Variants in ZNF34 observed in about 807,000 individuals in gnomAD.
The protein encoded by ZNF34 is zinc finger protein 34 (KOX 32).
ZNF34 carries 8 observed loss-of-function variants against 14.4 expected under a neutral mutation model. The observed-to-expected ratio is 0.55, with a 90% confidence interval of 0.33 to 1.00. The LOEUF (loss-of-function observed/expected upper bound fraction) is 1.00, where lower values mean the gene tolerates loss of function less well. ZNF34 is among the 50% of genes least tolerant of loss of function. ZNF34 has a pLI of 0.03. For synonymous variants in ZNF34, 235 were observed against 247.9 expected, an observed-to-expected ratio of 0.95 and a Z score of 0.49; for missense variants, 538 against 674.2, an observed-to-expected ratio of 0.80 and a Z score of 2.24.
Position 144,779,072 on chromosome 8 carries a change from C to T in ZNF34, c.-54-547G>A, listed in dbSNP as rs1384400484. Among the ~76,000 whole-genome samples the T allele has an allele frequency of 6.6e-6, 1 of 152,050 alleles. No individual in the cohort carries two copies. The highest frequency in any genetic ancestry group is 1.5e-5 in the Non-Finnish European group (1 of 68,028). On this transcript the variant is annotated intron_variant, in intron 2 of 5. Transcript: ENST00000429371. This position sits in a 1 kb window ranked among gnomAD's most constrained non-coding sequence, Gnocchi z 4.1. ...AGCCAAGGCATAAAAACCCTCATGG[C>T]TTGGATGGAATCCAGGGCTCAGGGC...
intron 2 of ZNF34, among the ~76,000 whole-genome samples, 165 bp from the exon 3 acceptor site, chr8:144,778,690 T>A (rs1168206891): frequency 2.0e-5 from 3 of 149,622 alleles, no homozygotes; most frequent in Admixed American, 1.3e-4. Flanking sequence ...ACTCCACTCT[T>A]TGCCTGGGGC....
chr8:144,776,849 C>T (rs1422802972), intron 5 of ZNF34, among the ~76,000 whole-genome samples: 1 of 141,794 alleles, frequency 7.1e-6, no homozygotes, highest in Non-Finnish European at 1.5e-5. Flanking sequence ...AAGGTCAAGG[C>T]TGCAGTGAGC....
chr8:144,780,330 A>C, intron 1 of ZNF34, 50 bp from the exon 2 acceptor site: 1 of 1,341,068 alleles, frequency 7.5e-7, no homozygotes, highest in South Asian at 1.3e-5. Flanking sequence ...TATTAGATCA[A>C]ACACTAGTTA....
rs758669919 is a variant in ZNF34 at position 144,778,467 on chromosome 8, G to A, written c.5C>T (p.Ala2Val). 26 of 1,590,890 alleles carry A rather than the reference G, an allele frequency of 1.6e-5. No homozygotes were observed. Among genetic ancestry groups the A allele is most frequent in the Non-Finnish European group, 1.5e-5 (18 of 1,168,930 alleles). The change falls in exon 3 of 6, where the codon GCG becomes GTG. Residue 2 changes from alanine to valine, a missense_variant. By Grantham distance (64) the Ala-to-Val change is moderately conservative. This residue lies in a region of ZNF34 where 431 missense variants were observed against 525.7 expected (regional missense o/e 0.82). Transcript: ENST00000429371. M[A>V]ALFLSAPPQA... is the part of the protein sequence containing the mutation. ...GGGTGGGGCAGACAGGAACAAGGCC[G>A]CCATTGCCTGAGGGTTGGGCTTTCT... is the stretch of plus-strand genomic sequence containing the variant.
rs1825624793 is a variant in ZNF34 at position 144,777,902 on chromosome 8, T to G, written c.160+136A>C. On this transcript the variant is annotated intron_variant, in intron 4 of 5. Coordinates refer to ENST00000429371, the MANE Select transcript of ZNF34 (RefSeq NM_001286769.2). The surrounding 1 kb of genome is among the most constrained non-coding windows in gnomAD (Gnocchi z 4.8). Reference sequence around the variant, plus strand: ...TCCCAGCACTGCTCTTCCCCTCATCTTCTCAGATCAGGTGCCTGCCTGGGA... The same window carrying G: ...TCCCAGCACTGCTCTTCCCCTCATCGTCTCAGATCAGGTGCCTGCCTGGGA... The G allele has an allele frequency of 1.5e-6, 2 of 1,336,476 alleles. No individual in the cohort carries two copies. Among genetic ancestry groups the G allele is most frequent in the African/African-American group, 2.9e-5 (2 of 68,574 alleles). 82.8% of individuals were successfully genotyped at this position (1,336,476 alleles called of 1,614,324 possible).
At chr8:144,778,817 C>T (rs1825694784) in intron 2 of ZNF34, among the ~76,000 whole-genome samples, 1 of 152,004 alleles carries the variant, frequency 6.6e-6, no homozygotes, top group Admixed American at 6.6e-5. Context: ...ACTGCAGCCT[C>T]GACCTCCTGA....
chr8:144,774,642 T>G, intron 5 of ZNF34, 37 bp from the exon 6 acceptor site: 1 of 1,569,294 alleles, frequency 6.4e-7, no homozygotes, highest in Non-Finnish European at 8.6e-7. Context: ...GGTCACCTGC[T>G]CTGACTCTGG....
At chr8:144,778,243 T>C in intron 3 of ZNF34, 79 bp from the exon 4 acceptor site, 1 of 1,547,058 alleles carries the variant, frequency 6.5e-7, no homozygotes, top group South Asian at 1.2e-5. Flanking sequence ...AGAAGCATGC[T>C]AAAGGCAGCA....
Position 144,777,918 on chromosome 8 carries a change from C to T in ZNF34, c.160+120G>A. On this transcript the variant is annotated intron_variant, in intron 4 of 5. Coordinates refer to ENST00000429371, the MANE Select transcript of ZNF34 (RefSeq NM_001286769.2). The surrounding 1 kb of genome is among the most constrained non-coding windows in gnomAD (Gnocchi z 4.8). The stretch of plus-strand genomic sequence containing the variant: ...CCCCTCATCTTCTCAGATCAGGTGC[C>T]TGCCTGGGATAAAGGTCATCACCTA... The T allele has an allele frequency of 7.0e-7, 1 of 1,434,290 alleles. No homozygotes were observed. The highest frequency in any genetic ancestry group is 1.3e-5 in the South Asian group (1 of 78,896). 88.8% of individuals were successfully genotyped at this position (1,434,290 alleles called of 1,614,324 possible). A position where few individuals can be genotyped will look rare whatever the true frequency, so the allele number is the denominator to read the frequency against.
intron 1 of ZNF34, among the ~76,000 whole-genome samples, chr8:144,780,753 C>T (rs918660189): frequency 6.6e-6 from 1 of 151,992 alleles, no homozygotes; most frequent in Non-Finnish European, 1.5e-5. Context: ...CGCGCCATCG[C>T]ACTCCAGCCT....
rs186816722 is a variant in ZNF34 at position 144,783,887 on chromosome 8, A to G, written c.-108+3392T>C. On this transcript the variant is annotated intron_variant, in intron 1 of 5. Coordinates refer to ENST00000429371, the MANE Select transcript of ZNF34 (RefSeq NM_001286769.2). ...TAAGATTAGCCAAGGCAGTGTGGCC[A>G]GGCGCAGTGGCTCACGCCTATAATC... Among the ~76,000 whole-genome samples, 591 of 152,352 alleles carry G rather than the reference A, an allele frequency of 3.9e-3. 3 individuals carry two copies. Among genetic ancestry groups the G allele is most frequent in the African/African-American group, 0.013 (552 of 41,580 alleles).
Position 144,778,115 on chromosome 8 carries a change from CATTCCTCCCGG to C in ZNF34, c.72_82del (p.Arg25GlyfsTer45). 1.2e-6 allele frequency: 2 copies of C among 1,614,010 alleles called. No homozygotes were observed. The highest frequency in any genetic ancestry group is 3.3e-5 in the Admixed American group (2 of 59,992). On this transcript the variant is annotated frameshift_variant, in exon 4 of 6. Transcript: ENST00000429371. LOFTEE classifies it high-confidence loss of function. ...CCTCTGAGCAGGGCCCAGGCGGCCCCATTCCTCCCGGGAGAGGTACACAGCCACGTCCTCGA... is the reference window on the plus strand; with the variant it reads ...CCTCTGAGCAGGGCCCAGGCGGCCCCGAGAGGTACACAGCCACGTCCTCGA...
At position 144,773,075 on chromosome 8, in the gene ZNF34, CT is replaced by C; in HGVS notation, c.*190del. On this transcript the variant is annotated 3_prime_UTR_variant, in exon 6 of 6. Coordinates refer to ENST00000429371, the MANE Select transcript of ZNF34 (RefSeq NM_001286769.2). The surrounding 1 kb of genome is among the most constrained non-coding windows in gnomAD (Gnocchi z 5.4). ...ATCACAGAAGCTTCTTTTTTGCCCA[CT>C]TTTCTGTCTCAATTTCTCTAAAATG... 1 of 612,800 alleles carries C rather than the reference CT, an allele frequency of 1.6e-6. No individual in the cohort carries two copies. Among genetic ancestry groups the C allele is most frequent in the African/African-American group, 1.9e-5 (1 of 53,872 alleles). The allele number at this position is 612,800 out of a possible 1,614,324, so 38.0% of individuals were successfully genotyped here.
rs751927309 is a variant in ZNF34, at chr8:144,774,284, G to GT, written c.601dup (p.Thr201AsnfsTer6). 1.4e-5 allele frequency: 22 copies of GT among 1,612,936 alleles called. No homozygotes were observed. Among genetic ancestry groups the GT allele is most frequent in the Middle Eastern group, 1.6e-4 (1 of 6,082 alleles). ...TTCCCCAGAGTTACGAACTGTATTT[G>GT]TTTTTTTTGACCTGTGTACACGCTT... On this transcript the variant is annotated frameshift_variant, in exon 6 of 6. Coordinates refer to ENST00000429371, the MANE Select transcript of ZNF34 (RefSeq NM_001286769.2). LOFTEE classifies it low-confidence loss of function (END_TRUNC).
intron 1 of ZNF34, among the ~76,000 whole-genome samples, chr8:144,781,966 A>C (rs1169615064): frequency 1.3e-5 from 2 of 151,934 alleles, no homozygotes; most frequent in Non-Finnish European, 2.9e-5. Flanking sequence ...CGGGTGGATC[A>C]CTTGAGGTCA....
chr8:144,780,155 C>A lies in ZNF34; in HGVS notation c.-55+73G>T, dbSNP rs1007122049. On this transcript the variant is annotated intron_variant, in intron 2 of 5. Transcript: ENST00000429371. ...GAGGCTGCAGTGAGCTGTGATCGCACCACTGCACTCCAGCCTGGGCAACAA... is the reference window on the plus strand; with the variant it reads ...GAGGCTGCAGTGAGCTGTGATCGCAACACTGCACTCCAGCCTGGGCAACAA... 4 of 1,172,168 alleles carry A rather than the reference C, an allele frequency of 3.4e-6. No individual in the cohort carries two copies. In the African/African-American group the frequency reaches 6.1e-5, roughly 18 times the overall value. 72.6% of individuals were successfully genotyped at this position (1,172,168 alleles called of 1,614,324 possible). A position where few individuals can be genotyped will look rare whatever the true frequency, so the allele number is the denominator to read the frequency against.
chr8:144,781,409 C>T (rs1452623993), intron 1 of ZNF34, among the ~76,000 whole-genome samples: 2 of 151,656 alleles, frequency 1.3e-5, no homozygotes, highest in Admixed American at 1.3e-4. Context: ...GCTGGGACCA[C>T]AGGTGCGTTT....
chr8:144,782,842 CA>C (rs548252812), intron 1 of ZNF34, among the ~76,000 whole-genome samples: 479 of 22,734 alleles, frequency 0.021, no homozygotes, highest in East Asian at 0.11. Context: ...AAGCCTATCT[CA>C]AAAAAAAAAA....
At chr8:144,785,038 G>A (rs552222146) in intron 1 of ZNF34, among the ~76,000 whole-genome samples, 4 of 143,248 alleles carry the variant, frequency 2.8e-5, no homozygotes, top group Non-Finnish European at 3.0e-5. Flanking sequence ...AATCGTTTGA[G>A]AGTGGGAGAT....
Sources: gnomAD v4.1 joint callset for allele counts (sites outside exome capture counted in the v4.1 genomes callset) on GRCh38, gnomAD v4.1.1 for gene constraint, gnomAD v4.1.1 regional missense constraint, Gnocchi (gnomAD v3.1) non-coding constraint, MANE v1.5 for transcripts, NCBI Gene and HGNC (gene_info 2026-07-23, HGNC 2026-07-21) for gene names.